RASGRP1: variants seen among roughly 807,000 people sequenced by gnomAD.
RASGRP1 encodes RAS guanyl releasing protein 1, also known as RAS guanyl-releasing protein 1.
Under a neutral mutation model 95.1 loss-of-function variants are expected in RASGRP1, and 37 were observed. The observed-to-expected ratio is 0.39, with a 90% CI of 0.30 to 0.51. The LOEUF is 0.51. Ranked by LOEUF, RASGRP1 falls within the 20% of genes least tolerant of loss-of-function variation. RASGRP1 has a pLI of 0.80. For missense variants in RASGRP1, 711 were observed against 965.4 expected, an observed-to-expected ratio of 0.74 and a Z score of 3.49; for synonymous variants, 325 against 353.4, an observed-to-expected ratio of 0.92 and a Z score of 0.90.
chr15:38,519,238 G>A, intron 4 of RASGRP1, 71 bp downstream of exon 4: 2 of 1,324,412 alleles, frequency 1.5e-6, no homozygotes, highest in South Asian at 1.3e-5. Context: ...GGAAAGGCAG[G>A]GAAAGTCCCT....
intron 11 of RASGRP1, 178 bp downstream of exon 11, chr15:38,503,094 A>G: frequency 1.6e-6 from 1 of 609,320 alleles, no homozygotes; most frequent in Non-Finnish European, 2.9e-6. Flanking sequence ...ATATGAGTCC[A>G]GTGTGTGTTG....
At position 38,503,385 on chromosome 15, in the gene RASGRP1, A is replaced by C; in HGVS notation, c.1324-9T>G. ...TTTGAAGGTGTTAGTGGCTAAAATG[A>C]AATATTTAGAGAAATCCTCATGACT... On this transcript the variant is annotated splice_polypyrimidine_tract_variant and intron_variant, in intron 10 of 16. Transcript: ENST00000310803. 1 of 1,567,808 alleles carries C rather than the reference A, an allele frequency of 6.4e-7. No homozygotes were observed. The highest frequency in any genetic ancestry group is 8.7e-7 in the Non-Finnish European group (1 of 1,144,122).
intron 2 of RASGRP1, among the ~76,000 whole-genome samples, chr15:38,545,308 C>G (rs1189301342): frequency 6.6e-6 from 1 of 152,200 alleles, no homozygotes; most frequent in Non-Finnish European, 1.5e-5. Context: ...AAACTTGAAT[C>G]TAATAGCATG....
intron 14 of RASGRP1, 96 bp from the exon 15 acceptor site, chr15:38,499,042 C>A: frequency 1.3e-6 from 2 of 1,482,582 alleles, no homozygotes; most frequent in Non-Finnish European, 1.9e-6. Flanking sequence ...TCTTGTCACA[C>A]ATGTCTGTTC....
At chr15:38,536,215 T>C (rs554029724) in intron 2 of RASGRP1, among the ~76,000 whole-genome samples, 2 of 152,318 alleles carry the variant, frequency 1.3e-5, no homozygotes, top group Admixed American at 6.5e-5. Context: ...CCATGGCTCA[T>C]AGACATTGAC....
chr15:38,556,534 T>C (rs1893558703), intron 2 of RASGRP1, among the ~76,000 whole-genome samples: 2 of 152,228 alleles, frequency 1.3e-5, no homozygotes, highest in South Asian at 4.1e-4. Context: ...TCCCACAGTT[T>C]GTAGAAAATC....
chr15:38,521,984 G>C (rs1478609792), intron 3 of RASGRP1, among the ~76,000 whole-genome samples: 2 of 152,098 alleles, frequency 1.3e-5, no homozygotes, highest in Non-Finnish European at 2.9e-5. Context: ...CCCTACCCCA[G>C]GTTACATCTT....
chr15:38,506,953 C>T (rs1304415567), intron 9 of RASGRP1, among the ~76,000 whole-genome samples: 1 of 152,178 alleles, frequency 6.6e-6, no homozygotes, highest in Non-Finnish European at 1.5e-5. Context: ...GCTAGGATCA[C>T]ACACCAGCTG....
At chr15:38,543,223 G>A (rs1391838865) in intron 2 of RASGRP1, among the ~76,000 whole-genome samples, 1 of 151,948 alleles carries the variant, frequency 6.6e-6, no homozygotes, top group African/African-American at 2.4e-5. Flanking sequence ...TGTGTATGGT[G>A]TGAGACACAG....
chr15:38,499,344 A>G (rs1026796719), intron 14 of RASGRP1, among the ~76,000 whole-genome samples: 6 of 152,208 alleles, frequency 3.9e-5, no homozygotes, highest in Non-Finnish European at 8.8e-5. Flanking sequence ...AAGGACAGTT[A>G]TGTCCTGAGT....
In RASGRP1 at chr15:38,545,272, C is replaced by T. The variant is rs578147563; in HGVS notation, c.220+14549G>A. ...TCCTCTGCACTCTCTCTAGCCTTTC[C>T]ATTCCCATCTTAAAATCCAGAAACT... On this transcript the variant is annotated intron_variant, in intron 2 of 16. Transcript: ENST00000310803. Among the ~76,000 whole-genome samples the T allele has an allele frequency of 3.9e-5, 6 of 152,298 alleles. No homozygotes were observed. In the South Asian group the frequency reaches 1.2e-3, roughly 32 times the overall value.
intron 2 of RASGRP1, among the ~76,000 whole-genome samples, chr15:38,547,858 C>CGCGCGCGCGTGTGTGTGTGTGT (rs1893161839): frequency 6.6e-6 from 1 of 151,518 alleles, no homozygotes; most frequent in African/African-American, 2.4e-5. Flanking sequence ...TGTGTGTGTG[C>CGCGCGCGCGTGTGTGTGTGTGT]GCGCGCGCGT....
At chr15:38,524,904 T>A (rs1892151918) in intron 3 of RASGRP1, among the ~76,000 whole-genome samples, 1 of 147,886 alleles carries the variant, frequency 6.8e-6, no homozygotes, top group Non-Finnish European at 1.5e-5. Context: ...GGAGGGGGGG[T>A]CTGCCCCAAT....
chr15:38,520,274 G>A (rs938547794), intron 3 of RASGRP1, among the ~76,000 whole-genome samples: 1 of 152,138 alleles, frequency 6.6e-6, no homozygotes, highest in Admixed American at 6.5e-5. Context: ...TACAATATAG[G>A]GTTCAGTGAA....
At chr15:38,501,347 G>C (rs765524162) in intron 12 of RASGRP1, 60 bp from the exon 13 acceptor site, 1 of 1,574,548 alleles carries the variant, frequency 6.4e-7, no homozygotes, top group Admixed American at 1.7e-5. Flanking sequence ...CAGGTAGCAA[G>C]GGGGGGCTTC....
At chr15:38,545,634 A>G (rs781046842) in intron 2 of RASGRP1, among the ~76,000 whole-genome samples, 12 of 152,110 alleles carry the variant, frequency 7.9e-5, no homozygotes, top group Non-Finnish European at 1.5e-4. Flanking sequence ...TAGAAAACAA[A>G]TCTTCAGTGA....
chr15:38,513,257 A>C (rs1331696824), intron 6 of RASGRP1, among the ~76,000 whole-genome samples: 1 of 152,228 alleles, frequency 6.6e-6, no homozygotes, highest in South Asian at 2.1e-4. Flanking sequence ...GTTACTGACT[A>C]TTCTAAATTC....
intron 2 of RASGRP1, among the ~76,000 whole-genome samples, chr15:38,552,261 T>C (rs529657863): frequency 5.3e-5 from 8 of 152,230 alleles, no homozygotes; most frequent in East Asian, 3.8e-4. Context: ...GGTTGTTTTA[T>C]AAGATACATA....
intron 2 of RASGRP1, among the ~76,000 whole-genome samples, chr15:38,533,801 A>T (rs1219028836): frequency 6.6e-6 from 1 of 152,236 alleles, no homozygotes; most frequent in Non-Finnish European, 1.5e-5. Context: ...GATGCTTGCA[A>T]GAGTTTAATG....
Sources: gnomAD v4.1 joint callset for allele counts (sites outside exome capture counted in the v4.1 genomes callset) on GRCh38, gnomAD v4.1.1 for gene constraint, MANE v1.5 for transcripts, NCBI Gene and HGNC (gene_info 2026-07-23, HGNC 2026-07-21) for gene names.